Variants in KLHL13 observed in about 807,000 individuals in gnomAD.
KLHL13 encodes the protein kelch-like protein 13.
KLHL13 carries 10 observed loss-of-function variants against 37.1 expected under a neutral mutation model. The ratio of observed to expected loss-of-function variants is 0.27; its 90% CI spans 0.17 to 0.46. The LOEUF (loss-of-function observed/expected upper bound fraction) is 0.46, where lower values mean the gene tolerates loss of function less well. Ranked by LOEUF, KLHL13 falls within the 20% of genes least tolerant of loss-of-function variation. The pLI is 1.00. For missense variants in KLHL13, 360 were observed against 509.3 expected (o/e 0.71, Z 2.82); for synonymous variants, 163 against 181.2 (o/e 0.90, Z 0.81).
At chrX:117,908,384 C>G (rs1930709845) in intron 5 of KLHL13, among the ~76,000 whole-genome samples, 1 of 108,787 alleles carries the variant, frequency 9.2e-6, no homozygotes, top group Non-Finnish European at 1.9e-5. Flanking sequence ...CTAATGCTAT[C>G]CCTCCCCTAG....
chrX:117,999,695 A>T (rs183236227), intron 1 of KLHL13, among the ~76,000 whole-genome samples: 6,887 of 110,472 alleles, frequency 0.062, 526 homozygotes, highest in African/African-American at 0.21. Context: ...AGTATAATTT[A>T]AAAAATCTAT....
At chrX:117,934,617 C>T in intron 2 of KLHL13, among the ~76,000 whole-genome samples, 1 of 109,961 alleles carries the variant, frequency 9.1e-6, no homozygotes, top group East Asian at 2.8e-4. Flanking sequence ...GCTTATAAAT[C>T]ATGTATCAGA....
At position 118,056,783 on chromosome X, in the gene KLHL13, T is replaced by C. The variant is rs2054689240; in HGVS notation, c.-56+59725A>G. Among the ~76,000 whole-genome samples the C allele has an allele frequency of 3.6e-5, 4 of 111,853 alleles. No individual in the cohort carries two copies. The Admixed American group carries it at 3.8e-4, about 11-fold the overall frequency. ...CTAGCTGCACAAGCAAATTACTTCA[T>C]CTCATTAATTCTCAGAATGTTACTA... On this transcript the variant is annotated intron_variant, in intron 1 of 6. Coordinates refer to the KLHL13 transcript ENST00000371882.
chrX:117,933,964 A>G (rs1364974825), intron 2 of KLHL13, among the ~76,000 whole-genome samples: 1 of 111,330 alleles, frequency 9.0e-6, no homozygotes, highest in Non-Finnish European at 1.9e-5. Flanking sequence ...ATAAAAAACA[A>G]TGAAATCATG....
chrX:118,043,527 A>C (rs969372242), intron 1 of KLHL13, among the ~76,000 whole-genome samples: 4 of 112,025 alleles, frequency 3.6e-5, no homozygotes, highest in Middle Eastern at 4.6e-3. Flanking sequence ...CACATTAAAA[A>C]GACCATTCAT....
intron 1 of KLHL13, among the ~76,000 whole-genome samples, chrX:118,009,886 T>C (rs1250441773): frequency 9.7e-6 from 1 of 103,053 alleles, no homozygotes; most frequent in African/African-American, 3.6e-5. Flanking sequence ...CCCATGAGCA[T>C]GGAATGTTCT....
chrX:118,071,115 C>G lies in KLHL13; in HGVS notation c.-56+45393G>C, dbSNP rs1217934258. ...CATTTTTTATGGCTGCATAGTATTCCATGGTGTATATGTGCCACATTCTCT... is the reference window on the plus strand; with the variant it reads ...CATTTTTTATGGCTGCATAGTATTCGATGGTGTATATGTGCCACATTCTCT... On this transcript the variant is annotated intron_variant, in intron 1 of 6. Transcript: ENST00000371882. Among the ~76,000 whole-genome samples the G allele has an allele frequency of 5.4e-5, 6 of 111,817 alleles. No homozygotes were observed. The Admixed American group carries it at 5.7e-4, about 11-fold the overall frequency.
chrX:118,078,860 T>C (rs1602705814), intron 1 of KLHL13, among the ~76,000 whole-genome samples: 1 of 111,817 alleles, frequency 8.9e-6, no homozygotes, highest in Non-Finnish European at 1.9e-5. Flanking sequence ...AGGGTAGCTG[T>C]ACCATTTTGT....
At chrX:117,907,075 T>C (rs1423410508) in intron 5 of KLHL13, among the ~76,000 whole-genome samples, 1 of 111,637 alleles carries the variant, frequency 9.0e-6, no homozygotes. Context: ...ATTTCCTTGT[T>C]TCTTTTCCCT....
intron 1 of KLHL13, among the ~76,000 whole-genome samples, chrX:118,054,570 G>C (rs2054665848): frequency 9.0e-6 from 1 of 111,377 alleles, no homozygotes; most frequent in Admixed American, 9.6e-5. Context: ...ACAACAAGAA[G>C]ACATAAAAGT....
intron 1 of KLHL13, among the ~76,000 whole-genome samples, chrX:118,109,314 G>C (rs1424177361): frequency 9.0e-6 from 1 of 111,608 alleles, no homozygotes; most frequent in Non-Finnish European, 1.9e-5. Context: ...TTTCCCACAG[G>C]TCATCATGGG....
chrX:118,035,981 C>G (rs1367415338), intron 1 of KLHL13, among the ~76,000 whole-genome samples: 102 of 100,655 alleles, frequency 1.0e-3, no homozygotes, highest in Non-Finnish European at 1.2e-3. Flanking sequence ...CATGAGTGAA[C>G]TCCCATTCAC....
At chrX:117,929,778 C>CAAAAAAAAAAAAAA (rs761687127) in intron 2 of KLHL13, among the ~76,000 whole-genome samples, 1 of 25,040 alleles carries the variant, frequency 4.0e-5, no homozygotes, top group African/African-American at 8.6e-5. Flanking sequence ...ATCGTCTCTA[C>CAAAAAAAAAAAAAA]AAAAAAAAAA....
At chrX:118,023,745 T>C (rs766345668) in intron 1 of KLHL13, among the ~76,000 whole-genome samples, 1 of 111,110 alleles carries the variant, frequency 9.0e-6, no homozygotes, top group East Asian at 2.8e-4. Context: ...ATTTTCTTTG[T>C]ATTTTTAGTA....
intron 1 of KLHL13, among the ~76,000 whole-genome samples, chrX:117,965,338 G>A (rs1322887999): frequency 8.9e-6 from 1 of 112,146 alleles, no homozygotes; most frequent in Non-Finnish European, 1.9e-5. Flanking sequence ...CTGATGGCCA[G>A]TGATGATGAG....
chrX:118,089,609 AGAGAAAGAAAG>A (rs1569313809), intron 1 of KLHL13, among the ~76,000 whole-genome samples: 16 of 66,570 alleles, frequency 2.4e-4, no homozygotes, highest in African/African-American at 9.9e-4. Flanking sequence ...AGAGAGAGAG[AGAGAAAGAAAG>A]AGAAAGAAAG....
intron 1 of KLHL13, among the ~76,000 whole-genome samples, chrX:118,019,639 G>A (rs1171765276): frequency 9.0e-6 from 1 of 111,399 alleles, no homozygotes; most frequent in East Asian, 2.8e-4. Flanking sequence ...TAACGTTTAA[G>A]TCTTTAATCC....
intron 1 of KLHL13, among the ~76,000 whole-genome samples, chrX:118,095,187 T>C (rs1419601338): frequency 9.1e-6 from 1 of 110,425 alleles, no homozygotes; most frequent in Non-Finnish European, 1.9e-5. Context: ...AATAAAGGGA[T>C]GGAGGAAGAT....
chrX:117,997,112 T>C, intron 1 of KLHL13, among the ~76,000 whole-genome samples: 1 of 108,896 alleles, frequency 9.2e-6, no homozygotes. Flanking sequence ...CACTGGGAGA[T>C]GCACTCATCC....
Sources: allele counts gnomAD v4.1 joint callset (sites outside exome capture counted in the v4.1 genomes callset), GRCh38; gene constraint gnomAD v4.1.1; transcripts MANE v1.5; gene names NCBI Gene and HGNC (gene_info 2026-07-23, HGNC 2026-07-21).